The following SLC4A4 variants were observed in gnomAD, a reference collection of about 807,000 sequenced individuals.
SLC4A4 encodes the protein solute carrier family 4 member 4.
Under a neutral mutation model 111.5 loss-of-function variants are expected in SLC4A4, and 27 were observed. The ratio of observed to expected loss-of-function variants is 0.24; its 90% CI spans 0.18 to 0.33. SLC4A4 has a LOEUF of 0.33. SLC4A4 is among the 10% of genes least tolerant of loss of function. The pLI is 1.00. For missense variants in SLC4A4, 909 were observed against 1,315.5 expected, an observed-to-expected ratio of 0.69 and a Z score of 4.78; for synonymous variants, 443 against 463.4, an observed-to-expected ratio of 0.96 and a Z score of 0.57.
At chr4:71,169,252 G>A (rs1361775132) in intron 2 of SLC4A4, among the ~76,000 whole-genome samples, 2 of 151,714 alleles carry the variant, frequency 1.3e-5, no homozygotes, top group Admixed American at 6.6e-5. Flanking sequence ...CTGACCTCAG[G>A]TGATCCACCT....
chr4:71,155,399 A>G (rs780353369), intron 2 of SLC4A4, among the ~76,000 whole-genome samples: 23 of 152,190 alleles, frequency 1.5e-4, no homozygotes, highest in Middle Eastern at 3.2e-3. Flanking sequence ...CATCTTTAAG[A>G]TAGTCCAAAG....
chr4:71,365,921 A>G (rs1731208082), intron 6 of SLC4A4, among the ~76,000 whole-genome samples: 1 of 152,200 alleles, frequency 6.6e-6, no homozygotes. Flanking sequence ...TGCTAATTCA[A>G]CCACAAGGGG....
At chr4:71,140,427 A>AAAAC (rs529874374) in intron 2 of SLC4A4, among the ~76,000 whole-genome samples, 1 of 151,876 alleles carries the variant, frequency 6.6e-6, no homozygotes, top group Non-Finnish European at 1.5e-5. Flanking sequence ...TTGCAAAAAC[A>AAAAC]AAACAAACAA....
chr4:71,300,380 G>A (rs1312721111), intron 3 of SLC4A4: 2 of 230,990 alleles, frequency 8.7e-6, no homozygotes, highest in Admixed American at 8.2e-5. Flanking sequence ...CCACCAGTGA[G>A]CAGGACACAA....
intron 6 of SLC4A4, among the ~76,000 whole-genome samples, chr4:71,367,725 G>A (rs902603472): frequency 1.3e-5 from 2 of 152,202 alleles, no homozygotes; most frequent in Non-Finnish European, 2.9e-5. Flanking sequence ...GAAGACATCA[G>A]ATTTGCCTCA....
rs1742820241 is a variant in SLC4A4, at chr4:71,103,466, A to G, written c.-2+10674A>G. On this transcript the variant is annotated intron_variant, in intron 2 of 26. Coordinates refer to the SLC4A4 transcript ENST00000649996. ...TCTCCACCCCAAATCAGCAGAATAT[A>G]CATTTTTTTCAGCACCACACCACAC... Among the ~76,000 whole-genome samples, 4 of 152,324 alleles carry G rather than the reference A, an allele frequency of 2.6e-5. No individual in the cohort carries two copies. The South Asian group carries it at 8.3e-4, about 32-fold the overall frequency.
At chr4:71,361,034 C>T (rs370673096) in intron 6 of SLC4A4, among the ~76,000 whole-genome samples, 4 of 152,108 alleles carry the variant, frequency 2.6e-5, no homozygotes, top group Non-Finnish European at 4.4e-5. Context: ...AGGAGCGGCC[C>T]GGCTTCTCCA....
chr4:71,353,395 G>A (rs1271870381), intron 5 of SLC4A4, among the ~76,000 whole-genome samples: 2 of 152,138 alleles, frequency 1.3e-5, no homozygotes, highest in South Asian at 2.1e-4. Flanking sequence ...CACATCATAA[G>A]TAAAACAAAG....
At chr4:71,208,851 C>T (rs1047922958) in intron 1 of SLC4A4, among the ~76,000 whole-genome samples, 1 of 152,162 alleles carries the variant, frequency 6.6e-6, no homozygotes, top group Non-Finnish European at 1.5e-5. Context: ...ATTCACGTGA[C>T]CCTCACTTGA....
At chr4:71,345,045 G>A (rs886583531) in intron 4 of SLC4A4, among the ~76,000 whole-genome samples, 5 of 152,048 alleles carry the variant, frequency 3.3e-5, no homozygotes, top group Admixed American at 1.3e-4. Context: ...TCCCTTTTAC[G>A]TCCTTTACCT....
chr4:71,287,473 G>A (rs904889921), intron 3 of SLC4A4, among the ~76,000 whole-genome samples: 4 of 152,160 alleles, frequency 2.6e-5, no homozygotes, highest in African/African-American at 9.7e-5. Context: ...GTGTTGTTTG[G>A]TGTTTCGTTT....
At position 71,262,742 on chromosome 4, in the gene SLC4A4, TAACA is replaced by T. The variant is rs1410389742; in HGVS notation, c.253+7357_253+7360del. Among the ~76,000 whole-genome samples the T allele has an allele frequency of 5.9e-5, 9 of 152,068 alleles. No homozygotes were observed. In the East Asian group the frequency reaches 1.7e-3, roughly 29 times the overall value. On this transcript the variant is annotated intron_variant, in intron 3 of 25. Coordinates refer to ENST00000264485, the MANE Select transcript of SLC4A4 (RefSeq NM_001098484.3). ...GTTCTATAGTCTCTCCTTAATTAAA[TAACA>T]AACAAACAAACAATCCTTTTTTTTT...
chr4:71,130,828 A>G (rs145124567), intron 2 of SLC4A4, among the ~76,000 whole-genome samples: 79 of 152,308 alleles, frequency 5.2e-4, no homozygotes, highest in African/African-American at 1.8e-3. Flanking sequence ...TTGTGGAATC[A>G]ATACCTTTTT....
intron 4 of SLC4A4, among the ~76,000 whole-genome samples, chr4:71,340,722 AG>A (rs1194666305): frequency 2.0e-5 from 3 of 152,184 alleles, no homozygotes; most frequent in African/African-American, 7.2e-5. Flanking sequence ...TCGATTTCCT[AG>A]AGCTTTGGTC....
intron 3 of SLC4A4, among the ~76,000 whole-genome samples, chr4:71,326,195 G>A (rs962405353): frequency 6.6e-6 from 1 of 151,814 alleles, no homozygotes; most frequent in Non-Finnish European, 1.5e-5. Flanking sequence ...TGGGGAATAT[G>A]AATGGAAAAT....
chr4:71,148,495 G>A (rs1046291189), intron 2 of SLC4A4, among the ~76,000 whole-genome samples: 5 of 151,998 alleles, frequency 3.3e-5, no homozygotes, highest in Admixed American at 2.0e-4. Context: ...TTTGTCACCC[G>A]GGTATTAAGC....
intron 3 of SLC4A4, among the ~76,000 whole-genome samples, chr4:71,295,555 A>G (rs147928387): frequency 1.3e-5 from 2 of 152,008 alleles, no homozygotes; most frequent in African/African-American, 4.8e-5. Context: ...ATTTTGAGGA[A>G]CCCTTAATGA....
chr4:71,304,885 G>A (rs1037417326), intron 3 of SLC4A4, among the ~76,000 whole-genome samples: 3 of 152,152 alleles, frequency 2.0e-5, no homozygotes, highest in Non-Finnish European at 2.9e-5. Flanking sequence ...TAATTTTGTG[G>A]ACAACTTGGA....
chr4:71,227,249 A>G (rs866262414), intron 1 of SLC4A4, among the ~76,000 whole-genome samples: 1 of 152,274 alleles, frequency 6.6e-6, no homozygotes, highest in East Asian at 1.9e-4. Flanking sequence ...ATGTACACGA[A>G]GGTGTGGTGG....
Sources: gnomAD v4.1 joint callset for allele counts (sites outside exome capture counted in the v4.1 genomes callset) on GRCh38, gnomAD v4.1.1 for gene constraint, MANE v1.5 for transcripts, NCBI Gene and HGNC (gene_info 2026-07-23, HGNC 2026-07-21) for gene names.